The following BCAT1 variants were observed in gnomAD, a reference collection of about 807,000 sequenced individuals.
The protein encoded by BCAT1 is branched-chain-amino-acid aminotransferase, cytosolic.
BCAT1 carries 48 observed loss-of-function variants against 52.4 expected under a neutral mutation model. That is an observed-to-expected ratio of 0.92 (90% CI 0.73 to 1.16). The LOEUF is 1.16. Among genes scored for constraint, BCAT1 ranks in the 50% most tolerant of loss-of-function variants. BCAT1 has a pLI of 0.00. For missense variants in BCAT1, 451 were observed against 457.1 expected (o/e 0.99, Z 0.12); for synonymous variants, 167 against 161.3 (o/e 1.04, Z -0.27).
intron 1 of BCAT1, among the ~76,000 whole-genome samples, chr12:24,940,562 T>C (rs541502749): frequency 6.6e-6 from 1 of 152,360 alleles, no homozygotes; most frequent in East Asian, 1.9e-4. Context: ...GTTAATATCA[T>C]GCTTTATAAC....
intron 5 of BCAT1, among the ~76,000 whole-genome samples, chr12:24,852,493 C>T (rs1235035628): frequency 6.6e-6 from 1 of 152,126 alleles, no homozygotes; most frequent in East Asian, 1.9e-4. Flanking sequence ...ATGCAAACTA[C>T]ATTATACTAA....
chr12:24,937,827 A>G (rs191002994), intron 1 of BCAT1, among the ~76,000 whole-genome samples: 20 of 152,348 alleles, frequency 1.3e-4, no homozygotes, highest in Non-Finnish European at 2.6e-4. Context: ...AACTGGGCAC[A>G]TGGTTGTTAA....
At chr12:24,911,151 AT>A (rs564343988) in intron 1 of BCAT1, among the ~76,000 whole-genome samples, 2 of 151,960 alleles carry the variant, frequency 1.3e-5, no homozygotes, top group Non-Finnish European at 2.9e-5. Flanking sequence ...AACATGACAC[AT>A]TTCCTTGTTT....
In BCAT1 at chr12:24,877,443, C is replaced by T. The variant is rs559887525; in HGVS notation, c.510+1087G>A. On this transcript the variant is annotated intron_variant, in intron 5 of 10. Transcript: ENST00000261192. ...CTCGTCCGCTCAAAAGGCCTTGGCC[C>T]CTCCAGGCATGCCCAATCCATGCCT... 5.9e-5 allele frequency among the ~76,000 whole-genome samples: 9 copies of T among 152,294 alleles called. No homozygotes were observed. The East Asian group carries it at 1.7e-3, about 29-fold the overall frequency.
chr12:24,907,188 T>C (rs1943239290), intron 1 of BCAT1, among the ~76,000 whole-genome samples: 1 of 152,186 alleles, frequency 6.6e-6, no homozygotes, highest in Non-Finnish European at 1.5e-5. Flanking sequence ...CCTGTAACAT[T>C]CCCTGCCTTT....
chr12:24,861,992 CA>C (rs1268864649), intron 5 of BCAT1, among the ~76,000 whole-genome samples: 1 of 152,202 alleles, frequency 6.6e-6, no homozygotes, highest in African/African-American at 2.4e-5. Flanking sequence ...AATGCCATGG[CA>C]ACATCCAGAA....
intron 1 of BCAT1, 95 bp from the exon 2 acceptor site, chr12:24,901,980 C>T (rs963243794): frequency 6.2e-7 from 1 of 1,607,308 alleles, no homozygotes; most frequent in Non-Finnish European, 8.5e-7. Flanking sequence ...CCGTGCGCTC[C>T]TCTCCAGGAC....
At chr12:24,834,635 A>G in intron 8 of BCAT1, 1 of 985,594 alleles carries the variant, frequency 1.0e-6, no homozygotes, top group Non-Finnish European at 1.2e-6. Context: ...ATTTAAAAGA[A>G]GAACTCATGC....
At chr12:24,823,854 A>T (rs1940256436) in intron 10 of BCAT1, among the ~76,000 whole-genome samples, 1 of 152,208 alleles carries the variant, frequency 6.6e-6, no homozygotes, top group South Asian at 2.1e-4. Flanking sequence ...ACCCAGTCTC[A>T]GGTAGTTCGT....
intron 5 of BCAT1, among the ~76,000 whole-genome samples, chr12:24,858,176 T>C (rs115574368): frequency 1.3e-3 from 193 of 152,342 alleles, no homozygotes; most frequent in African/African-American, 4.4e-3. Context: ...ATTAAGATTC[T>C]TAAAAGCTGG....
At chr12:24,846,226 G>C (rs1022928695) in intron 6 of BCAT1, among the ~76,000 whole-genome samples, 7 of 152,160 alleles carry the variant, frequency 4.6e-5, no homozygotes, top group African/African-American at 1.4e-4. Flanking sequence ...GGTTTTTTAT[G>C]TTTAAGTTTT....
intron 5 of BCAT1, among the ~76,000 whole-genome samples, chr12:24,858,519 C>G (rs1941757200): frequency 6.6e-6 from 1 of 152,194 alleles, no homozygotes. Flanking sequence ...AACTCACCTG[C>G]TTTGGAGCCA....
At chr12:24,910,934 T>A (rs1181326995) in intron 1 of BCAT1, among the ~76,000 whole-genome samples, 3 of 152,098 alleles carry the variant, frequency 2.0e-5, no homozygotes. Flanking sequence ...TAAAACCCTG[T>A]CTTTACTAAA....
intron 1 of BCAT1, among the ~76,000 whole-genome samples, chr12:24,920,905 T>C (rs1321855695): frequency 1.3e-5 from 2 of 152,202 alleles, no homozygotes; most frequent in Non-Finnish European, 2.9e-5. Flanking sequence ...ACTCAGGATA[T>C]TTTTTAAAAT....
At chr12:24,902,885 C>G (rs539053675) in intron 1 of BCAT1, 1 of 1,512,414 alleles carries the variant, frequency 6.6e-7, no homozygotes, top group East Asian at 2.7e-5. Flanking sequence ...GCCAGGCCCG[C>G]GAGCTACCGA....
intron 3 of BCAT1, among the ~76,000 whole-genome samples, chr12:24,890,418 T>C (rs1253003828): frequency 6.6e-6 from 1 of 152,166 alleles, no homozygotes; most frequent in Non-Finnish European, 1.5e-5. Flanking sequence ...CAGGATGAGA[T>C]AGGAGGTCGG....
intron 1 of BCAT1, among the ~76,000 whole-genome samples, chr12:24,918,019 A>G (rs1166145859): frequency 2.6e-5 from 4 of 152,232 alleles, no homozygotes. Context: ...AGATGGTGCT[A>G]GCAAAGAGAA....
intron 6 of BCAT1, among the ~76,000 whole-genome samples, chr12:24,849,278 G>A (rs939314510): frequency 6.6e-5 from 10 of 152,206 alleles, no homozygotes; most frequent in African/African-American, 9.6e-5. Context: ...GGGCTGTCCC[G>A]CAGCCAGTTG....
At chr12:24,831,805 A>G (rs1242214806) in intron 9 of BCAT1, among the ~76,000 whole-genome samples, 1 of 152,254 alleles carries the variant, frequency 6.6e-6, no homozygotes, top group Non-Finnish European at 1.5e-5. Flanking sequence ...TAAGTTATAA[A>G]GTTAGATGCC....
Sources: allele counts gnomAD v4.1 joint callset (sites outside exome capture counted in the v4.1 genomes callset), GRCh38; gene constraint gnomAD v4.1.1; transcripts MANE v1.5; gene names NCBI Gene and HGNC (gene_info 2026-07-23, HGNC 2026-07-21).